TM2D1: variants seen among roughly 807,000 people sequenced by gnomAD.
TM2D1 encodes TM2 domain containing 1, also known as TM2 domain-containing protein 1.
A neutral mutation model predicts 28.4 loss-of-function variants in TM2D1; 15 were observed. The observed-to-expected ratio is 0.53, with a 90% CI of 0.35 to 0.81. The LOEUF (loss-of-function observed/expected upper bound fraction) is 0.81, where lower values mean the gene tolerates loss of function less well. Ranked by LOEUF, TM2D1 falls within the 40% of genes least tolerant of loss-of-function variation. TM2D1 has a pLI of 0.01. For synonymous variants in TM2D1, 93 were observed against 96.2 expected (o/e 0.97, Z 0.20); for missense variants, 236 against 254.9 (o/e 0.93, Z 0.50).
chr1:61,715,283 G>A (rs1368790713), intron 2 of TM2D1, among the ~76,000 whole-genome samples: 2 of 152,146 alleles, frequency 1.3e-5, no homozygotes, highest in Admixed American at 1.3e-4. Flanking sequence ...TAACTAGCAT[G>A]TTCCTTCAAG....
At chr1:61,724,085 C>T (rs1644587443) in intron 1 of TM2D1, among the ~76,000 whole-genome samples, 2 of 152,190 alleles carry the variant, frequency 1.3e-5, no homozygotes, top group South Asian at 2.1e-4. Context: ...AAATTTGCCC[C>T]ATAATTATCC....
At chr1:61,711,519 T>C (rs1644479279) in intron 2 of TM2D1, among the ~76,000 whole-genome samples, 1 of 151,396 alleles carries the variant, frequency 6.6e-6, no homozygotes, top group Non-Finnish European at 1.5e-5. Context: ...GGCATGGTGG[T>C]GCTCACCTGT....
chr1:61,707,141 G>A (rs576973131), intron 3 of TM2D1, among the ~76,000 whole-genome samples: 1 of 152,274 alleles, frequency 6.6e-6, no homozygotes, highest in Admixed American at 6.5e-5. Context: ...TCTAGTCCCA[G>A]CTACTTGGGA....
At chr1:61,707,444 A>G (rs944094094) in intron 3 of TM2D1, among the ~76,000 whole-genome samples, 5 of 152,204 alleles carry the variant, frequency 3.3e-5, no homozygotes, top group Admixed American at 6.5e-5. Context: ...GCTGTTCTCA[A>G]CAGATGATTT....
At chr1:61,704,653 A>C (rs1255930189) in intron 3 of TM2D1, among the ~76,000 whole-genome samples, 1 of 152,080 alleles carries the variant, frequency 6.6e-6, no homozygotes, top group East Asian at 1.9e-4. Context: ...GCTGGTCTCA[A>C]ACTTCTGGCC....
At chr1:61,690,921 C>T (rs1178519032) in intron 5 of TM2D1, among the ~76,000 whole-genome samples, 1 of 152,034 alleles carries the variant, frequency 6.6e-6, no homozygotes, top group Non-Finnish European at 1.5e-5. Flanking sequence ...TAAATTTCTG[C>T]TGCTTGTATG....
At chr1:61,721,906 T>G (rs901568270) in intron 2 of TM2D1, among the ~76,000 whole-genome samples, 6 of 138,806 alleles carry the variant, frequency 4.3e-5, no homozygotes, top group African/African-American at 1.7e-4. Flanking sequence ...GCCTATGAGT[T>G]CAAGACGAGG....
chr1:61,688,742 C>CA (rs574994323), intron 5 of TM2D1, among the ~76,000 whole-genome samples: 20,628 of 138,270 alleles, frequency 0.15, 1,573 homozygotes, highest in Non-Finnish European at 0.18. Context: ...CCCCGCCACC[C>CA]AAAAAAAAAA....
chr1:61,724,143 T>A (rs1644588165), intron 1 of TM2D1: 1 of 154,826 alleles, frequency 6.5e-6, no homozygotes, highest in African/African-American at 2.4e-5. Context: ...CACCCAAGGT[T>A]GCAAAGTGCA....
chr1:61,699,354 A>T (rs1644386551), intron 4 of TM2D1: 1 of 152,176 alleles, frequency 6.6e-6, no homozygotes, highest in Non-Finnish European at 1.5e-5. Flanking sequence ...CACACAAAAA[A>T]AAAAGAAAGA....
In TM2D1 at chr1:61,725,109, G is replaced by A. The variant is rs573030639; in HGVS notation, c.12C>T (p.Ala4=). Residue 4 remains alanine, a synonymous_variant, in exon 1 of 7, where the codon GCC becomes GCT. Transcript: ENST00000606498. ...CCGGAGCAGACGGACCAGACGGCCA[G>A]GCGGCCGCCATCTTGGAGACCGACA... MAA[A]WPSGPSAPEA... 8.6e-5 allele frequency: 139 copies of A among 1,613,438 alleles called. No individual in the cohort carries two copies. The highest frequency in any genetic ancestry group is 1.6e-4 in the Middle Eastern group (1 of 6,084).
At chr1:61,681,386 AT>A (rs1423892714) in intron 6 of TM2D1, 36 bp from the exon 7 acceptor site, 2 of 152,188 alleles carry the variant, frequency 1.3e-5, no homozygotes, top group East Asian at 3.8e-4. Context: ...AAAACACAAT[AT>A]TTTTTAAGAG....
At chr1:61,696,434 G>T (rs1644363189) in intron 4 of TM2D1, among the ~76,000 whole-genome samples, 3 of 151,866 alleles carry the variant, frequency 2.0e-5, no homozygotes, top group African/African-American at 7.3e-5. Flanking sequence ...AGCTACTCAG[G>T]AGGCTGAGGC....
chr1:61,702,765 T>C (rs918957623), intron 3 of TM2D1, among the ~76,000 whole-genome samples: 1 of 151,638 alleles, frequency 6.6e-6, no homozygotes, highest in African/African-American at 2.4e-5. Flanking sequence ...TATATATATA[T>C]GTAACATATA....
At chr1:61,714,600 G>T (rs1031048444) in intron 2 of TM2D1, among the ~76,000 whole-genome samples, 1 of 152,142 alleles carries the variant, frequency 6.6e-6, no homozygotes, top group African/African-American at 2.4e-5. Flanking sequence ...TGTCACCCAG[G>T]CTAGAGTGCA....
At chr1:61,717,202 C>CAA (rs58545051) in intron 2 of TM2D1, among the ~76,000 whole-genome samples, 6 of 143,814 alleles carry the variant, frequency 4.2e-5, no homozygotes, top group African/African-American at 1.5e-4. Context: ...CAAAACAAAA[C>CAA]AAAAAAAAAA....
chr1:61,694,916 C>G (rs1644353392), intron 4 of TM2D1, 146 bp from the exon 5 acceptor site: 2 of 437,560 alleles, frequency 4.6e-6, no homozygotes, highest in African/African-American at 4.1e-5. Context: ...GAAATCAAAT[C>G]TTCACTTGAA....
intron 5 of TM2D1, 116 bp downstream of exon 5, chr1:61,694,581 G>A: frequency 3.2e-6 from 2 of 624,438 alleles, no homozygotes; most frequent in East Asian, 6.3e-5. Flanking sequence ...GAAGAAAAAT[G>A]GAAACAACCA....
chr1:61,701,467 G>T (rs976514967), intron 3 of TM2D1, among the ~76,000 whole-genome samples: 2 of 151,962 alleles, frequency 1.3e-5, no homozygotes, highest in Admixed American at 6.6e-5. Flanking sequence ...TGCTTCTGAG[G>T]AAAGAGTGTC....
Sources: allele counts gnomAD v4.1 joint callset (sites outside exome capture counted in the v4.1 genomes callset), GRCh38; gene constraint gnomAD v4.1.1; transcripts MANE v1.5; gene names NCBI Gene and HGNC (gene_info 2026-07-23, HGNC 2026-07-21).